Variants in DNAH7 observed in about 807,000 individuals in gnomAD.
DNAH7 encodes axonemal beta dynein heavy chain 7.
In DNAH7, 397 loss-of-function variants were observed where a neutral mutation model predicts 444.6. The observed-to-expected ratio is 0.89, with a 90% CI of 0.82 to 0.97. The LOEUF is 0.97. Among genes scored for constraint, DNAH7 ranks in the 50% least tolerant of loss-of-function variants. The pLI, the probability that DNAH7 is intolerant of heterozygous loss-of-function variation, is 0.00. For synonymous variants in DNAH7, 1,636 were observed against 1,624.4 expected (o/e 1.01, Z -0.17); for missense variants, 4,902 against 4,800.8 (o/e 1.02, Z -0.62).
chr2:195,850,975 A>T (rs1699327799), intron 46 of DNAH7, among the ~76,000 whole-genome samples: 1 of 152,164 alleles, frequency 6.6e-6, no homozygotes, highest in African/African-American at 2.4e-5. Flanking sequence ...TTCATTAAGG[A>T]CTGCTCAAGA....
At chr2:195,918,840 A>G (rs1388802031) in intron 24 of DNAH7, among the ~76,000 whole-genome samples, 1 of 152,188 alleles carries the variant, frequency 6.6e-6, no homozygotes, top group East Asian at 1.9e-4. Flanking sequence ...CATTTGTCAA[A>G]ACCCACAGAA....
At position 195,926,506 on chromosome 2, in the gene DNAH7, A is replaced by T. The variant is rs1688344279; in HGVS notation, c.3532T>A (p.Trp1178Arg). 6.2e-7 allele frequency: 1 copy of T among 1,606,944 alleles called. No individual in the cohort carries two copies. The highest frequency in any genetic ancestry group is 8.5e-7 in the Non-Finnish European group (1 of 1,177,280). Residue 1178 changes from tryptophan (W) to arginine (R), a missense_variant, in exon 22 of 65, where the codon TGG (tryptophan) becomes AGG (arginine). Physicochemically the swap from Trp to Arg is moderately radical, Grantham distance 101 (BLOSUM62 -3). Coordinates refer to ENST00000312428, the MANE Select transcript of DNAH7 (RefSeq NM_018897.3). ...ACACAGAGAACAGTCTGTCCAGGCC[A>T]ATCCCTTACCCAGTTAATTCGTTCA... Reference protein sequence around the residue: ...KYERINWVRDWPGQTVLCVSQ... With the variant: ...KYERINWVRDRPGQTVLCVSQ...
chr2:195,801,282 C>T (rs1696439600), intron 54 of DNAH7, among the ~76,000 whole-genome samples: 3 of 151,530 alleles, frequency 2.0e-5, no homozygotes. Flanking sequence ...ACTTTTTTTC[C>T]TGCTCTGAAA....
intron 58 of DNAH7, among the ~76,000 whole-genome samples, chr2:195,786,260 G>A (rs1263840625): frequency 6.6e-6 from 1 of 152,122 alleles, no homozygotes; most frequent in Non-Finnish European, 1.5e-5. Flanking sequence ...CTCAATTGAC[G>A]AAATGATTTA....
chr2:195,784,947 G>A (rs1695542994), intron 58 of DNAH7, among the ~76,000 whole-genome samples: 1 of 134,608 alleles, frequency 7.4e-6, no homozygotes, highest in South Asian at 2.3e-4. Context: ...GTCTCGCTCT[G>A]TCACCCAGGC....
intron 25 of DNAH7, among the ~76,000 whole-genome samples, chr2:195,909,091 G>A (rs928358984): frequency 6.6e-6 from 1 of 151,964 alleles, no homozygotes; most frequent in African/African-American, 2.4e-5. Flanking sequence ...GAGGGTGGAG[G>A]GTGGGAGAAG....
At chr2:195,778,303 G>T (rs183276567) in intron 58 of DNAH7, among the ~76,000 whole-genome samples, 26 of 151,902 alleles carry the variant, frequency 1.7e-4, no homozygotes, top group Non-Finnish European at 2.8e-4. Flanking sequence ...TATCATCTAT[G>T]AAAACTTTGC....
intron 49 of DNAH7, among the ~76,000 whole-genome samples, chr2:195,818,826 T>G (rs1451155787): frequency 1.3e-5 from 2 of 152,150 alleles, no homozygotes; most frequent in Non-Finnish European, 2.9e-5. Context: ...TTTTTTTTCA[T>G]GTATACTGCA....
chr2:195,822,932 A>T (rs941158481), intron 49 of DNAH7, among the ~76,000 whole-genome samples: 3 of 152,172 alleles, frequency 2.0e-5, no homozygotes, highest in African/African-American at 7.2e-5. Flanking sequence ...AATACTATCT[A>T]TTGGCTTTAT....
chr2:195,956,085 A>G (rs1287198014), intron 19 of DNAH7, among the ~76,000 whole-genome samples: 1 of 152,170 alleles, frequency 6.6e-6, no homozygotes, highest in Non-Finnish European at 1.5e-5. Context: ...ATCTTTCTGA[A>G]TATTTTCCTA....
At chr2:196,025,600 T>A (rs972270843) in intron 7 of DNAH7, among the ~76,000 whole-genome samples, 3 of 152,184 alleles carry the variant, frequency 2.0e-5, no homozygotes, top group Admixed American at 6.5e-5. Flanking sequence ...CCTTCAAGAC[T>A]TAGTTTAGGC....
chr2:195,814,281 A>AT (rs1011912627), intron 51 of DNAH7, among the ~76,000 whole-genome samples: 7 of 152,228 alleles, frequency 4.6e-5, no homozygotes, highest in Non-Finnish European at 8.8e-5. Flanking sequence ...GCAGACATAC[A>AT]TAAGATTTTA....
In DNAH7 at chr2:195,864,163, T is replaced by C. The variant is rs370625854; in HGVS notation, c.7492A>G (p.Ile2498Val). 6.2e-6 allele frequency: 10 copies of C among 1,612,992 alleles called. No homozygotes were observed. Among genetic ancestry groups the C allele is most frequent in the South Asian group, 2.2e-5 (2 of 91,072 alleles). Reference sequence around the variant, plus strand: ...CATGACAATACCTGAAACCAGTCAATGGTACAGCAGTTAACAAGAGCAGGG... The same window carrying C: ...CATGACAATACCTGAAACCAGTCAACGGTACAGCAGTTAACAAGAGCAGGG... Reference protein sequence around the residue: ...KFPALVNCCTIDWFQSWPEDA... With the variant: ...KFPALVNCCTVDWFQSWPEDA... The change falls in exon 41 of 65, where the codon ATT becomes GTT. Residue 2498 changes from isoleucine (I) to valine (V), a missense_variant. Transcript: ENST00000312428.
intron 57 of DNAH7, among the ~76,000 whole-genome samples, chr2:195,791,599 T>C (rs1695881606): frequency 6.6e-6 from 1 of 152,122 alleles, no homozygotes; most frequent in South Asian, 2.1e-4. Context: ...AAAAGACACA[T>C]GAACTCATAT....
intron 47 of DNAH7, among the ~76,000 whole-genome samples, chr2:195,839,496 C>A (rs1698556184): frequency 6.6e-6 from 1 of 150,904 alleles, no homozygotes; most frequent in African/African-American, 2.4e-5. Context: ...CAAACAGAAG[C>A]AAAGAAATAA....
At chr2:195,784,144 T>C (rs1332362565) in intron 58 of DNAH7, among the ~76,000 whole-genome samples, 2 of 152,294 alleles carry the variant, frequency 1.3e-5, no homozygotes, top group Admixed American at 1.3e-4. Flanking sequence ...ACTCCTAGGG[T>C]TGTACATCCT....
intron 3 of DNAH7, among the ~76,000 whole-genome samples, chr2:196,049,433 G>A (rs1697334305): frequency 1.3e-5 from 2 of 152,312 alleles, no homozygotes; most frequent in South Asian, 2.1e-4. Context: ...TCAGGTCACA[G>A]AGGCTGGGAG....
chr2:195,969,351 T>C (rs1217524649), intron 17 of DNAH7, among the ~76,000 whole-genome samples: 1 of 152,252 alleles, frequency 6.6e-6, no homozygotes, highest in Non-Finnish European at 1.5e-5. Flanking sequence ...AGAAAAATGA[T>C]AGAGCATCAT....
chr2:196,036,608 G>A (rs1696409601), intron 5 of DNAH7, among the ~76,000 whole-genome samples: 2 of 152,134 alleles, frequency 1.3e-5, no homozygotes, highest in Admixed American at 1.3e-4. Flanking sequence ...GACACTGTGT[G>A]TCCCACCTGG....
Sources: gnomAD v4.1 joint callset for allele counts (sites outside exome capture counted in the v4.1 genomes callset) on GRCh38, gnomAD v4.1.1 for gene constraint, MANE v1.5 for transcripts, NCBI Gene and HGNC (gene_info 2026-07-23, HGNC 2026-07-21) for gene names.